HSDL1: variants seen among roughly 807,000 people sequenced by gnomAD.
The protein encoded by HSDL1 is hydroxysteroid dehydrogenase like 1, also known as inactive hydroxysteroid dehydrogenase-like protein 1.
HSDL1 carries 29 observed loss-of-function variants against 31.5 expected under a neutral mutation model. That is an observed-to-expected ratio of 0.92 (90% CI 0.69 to 1.26). HSDL1 has a LOEUF of 1.26. HSDL1 is among the 50% of genes most tolerant of loss of function. The pLI is 0.00. For synonymous variants in HSDL1, 222 were observed against 155.2 expected, an observed-to-expected ratio of 1.43 and a Z score of -3.20; for missense variants, 503 against 416.6, an observed-to-expected ratio of 1.21 and a Z score of -1.81.
intron 2 of HSDL1, among the ~76,000 whole-genome samples, chr16:84,135,059 C>T (rs188407846): frequency 6.6e-6 from 1 of 152,184 alleles, no homozygotes; most frequent in Non-Finnish European, 1.5e-5. Flanking sequence ...GGGTGAAACC[C>T]TGTCTCTACT....
At chr16:84,126,100 C>T (rs1469775419) in intron 5 of HSDL1, among the ~76,000 whole-genome samples, 4 of 119,232 alleles carry the variant, frequency 3.4e-5, no homozygotes, top group Non-Finnish European at 7.1e-5. Flanking sequence ...AAAACTCTGT[C>T]TCAAAAAAAA....
At chr16:84,126,021 T>C (rs1357502084) in intron 5 of HSDL1, among the ~76,000 whole-genome samples, 2 of 148,532 alleles carry the variant, frequency 1.3e-5, no homozygotes, top group Admixed American at 1.4e-4. Flanking sequence ...GAAAATGGTG[T>C]GAACCGGGGA....
chr16:84,130,494 C>G, intron 3 of HSDL1, 63 bp from the exon 4 acceptor site: 4 of 1,349,152 alleles, frequency 3.0e-6, no homozygotes, highest in Non-Finnish European at 4.1e-6. Flanking sequence ...AAAATGGACC[C>G]AAAGTACCCC....
intron 1 of HSDL1, among the ~76,000 whole-genome samples, chr16:84,143,768 G>A (rs1030860951): frequency 6.6e-6 from 1 of 151,664 alleles, no homozygotes; most frequent in East Asian, 1.9e-4. Flanking sequence ...AGGCCAAGGC[G>A]GGCAGATCAC....
chr16:84,141,216 T>C (rs2086766384), intron 1 of HSDL1, among the ~76,000 whole-genome samples: 1 of 115,558 alleles, frequency 8.7e-6, no homozygotes, highest in East Asian at 2.6e-4. Context: ...GACTCATCCA[T>C]GCCCCTGCAG....
intron 3 of HSDL1, chr16:84,130,893 C>T: frequency 1.8e-6 from 1 of 556,568 alleles, no homozygotes; most frequent in Non-Finnish European, 3.2e-6. Context: ...CAGGAGAGAG[C>T]AGAATAGGAA....
Position 84,124,406 on chromosome 16 carries a change from T to C in HSDL1, c.*224A>G, listed in dbSNP as rs570101595. The C allele has an allele frequency of 2.4e-6, 1 of 408,712 alleles. No individual in the cohort carries two copies. The highest frequency in any genetic ancestry group is 2.0e-5 in the African/African-American group (1 of 49,868). The allele number at this position is 408,712 out of a possible 1,614,324, so 25.3% of individuals were successfully genotyped here. On this transcript the variant is annotated 3_prime_UTR_variant, in exon 6 of 6. Transcript: ENST00000219439. Reference sequence around the variant, plus strand: ...TAGGGAAAAAGCACTGAAATGTAGATGTCGTCAATCAGCCTCAGGCATTAT... The same window carrying C: ...TAGGGAAAAAGCACTGAAATGTAGACGTCGTCAATCAGCCTCAGGCATTAT...
intron 2 of HSDL1, among the ~76,000 whole-genome samples, chr16:84,131,606 C>T (rs1475861802): frequency 6.6e-6 from 1 of 152,084 alleles, no homozygotes; most frequent in Non-Finnish European, 1.5e-5. Context: ...CCTCCACCTC[C>T]CGGGTTCAAG....
chr16:84,136,398 G>A (rs2086712605), intron 1 of HSDL1, among the ~76,000 whole-genome samples: 1 of 152,252 alleles, frequency 6.6e-6, no homozygotes, highest in Non-Finnish European at 1.5e-5. Flanking sequence ...GCAGAGGCCA[G>A]ATTCTACTCC....
intron 5 of HSDL1, 143 bp downstream of exon 5, chr16:84,129,405 T>G (rs780987738): frequency 1.8e-4 from 121 of 658,840 alleles, no homozygotes; most frequent in Non-Finnish European, 2.9e-4. Flanking sequence ...GAAAATTTAG[T>G]GTCTTAACCA....
chr16:84,127,114 T>C (rs970066611), intron 5 of HSDL1, among the ~76,000 whole-genome samples: 1 of 152,148 alleles, frequency 6.6e-6, no homozygotes, highest in Non-Finnish European at 1.5e-5. Flanking sequence ...AAAAATTTTA[T>C]GGTCAGTGAC....
intron 5 of HSDL1, among the ~76,000 whole-genome samples, chr16:84,127,921 G>C (rs2086625250): frequency 6.6e-6 from 1 of 150,636 alleles, no homozygotes; most frequent in Non-Finnish European, 1.5e-5. Flanking sequence ...GGGTTTCACG[G>C]TGTTAGCCAG....
intron 1 of HSDL1, among the ~76,000 whole-genome samples, chr16:84,139,043 T>A (rs534413318): frequency 6.6e-6 from 1 of 152,250 alleles, no homozygotes; most frequent in South Asian, 2.1e-4. Flanking sequence ...TCCAAATGCG[T>A]GTGACGTGGG....
At position 84,123,197 on chromosome 16, in the gene HSDL1, A is replaced by T. The variant is rs941911364; in HGVS notation, c.*1433T>A. 1.3e-5 allele frequency: 2 copies of T among 152,196 alleles called. No homozygotes were observed. The highest frequency in any genetic ancestry group is 2.9e-5 in the Non-Finnish European group (2 of 68,042). The allele number at this position is 152,196 out of a possible 1,614,324, so 9.4% of individuals were successfully genotyped here. A position where few individuals can be genotyped will look rare whatever the true frequency, so the allele number is the denominator to read the frequency against. Reference sequence around the variant, plus strand: ...CTTCTGAGTGCAAGTCACATCTGGAAATCCTGTAGGCAATGTCATGGGCAA... The same window carrying T: ...CTTCTGAGTGCAAGTCACATCTGGATATCCTGTAGGCAATGTCATGGGCAA... On this transcript the variant is annotated 3_prime_UTR_variant, in exon 6 of 6. Transcript: ENST00000219439.
intron 1 of HSDL1, among the ~76,000 whole-genome samples, chr16:84,143,046 T>C (rs956371117): frequency 6.6e-6 from 1 of 152,224 alleles, no homozygotes; most frequent in Non-Finnish European, 1.5e-5. Context: ...TTCACCATCA[T>C]GTCTGTATTT....
rs1030030838 is a variant in HSDL1 at position 84,124,522 on chromosome 16, T to C, written c.*108A>G. The C allele has an allele frequency of 2.7e-6, 2 of 736,564 alleles. No individual in the cohort carries two copies. The highest frequency in any genetic ancestry group is 2.1e-5 in the Admixed American group (1 of 48,200). The allele number at this position is 736,564 out of a possible 1,614,324, so 45.6% of individuals were successfully genotyped here. A position where few individuals can be genotyped will look rare whatever the true frequency, so the allele number is the denominator to read the frequency against. ...TGCAAATGACGAATCAACAGTATGC[T>C]GAATAATCAGCAATGAAACACAGGA... On this transcript the variant is annotated 3_prime_UTR_variant, in exon 6 of 6. Transcript: ENST00000219439.
intron 1 of HSDL1, among the ~76,000 whole-genome samples, chr16:84,141,975 T>C (rs1336235264): frequency 6.6e-6 from 1 of 152,246 alleles, no homozygotes; most frequent in African/African-American, 2.4e-5. Flanking sequence ...TTGCCCAGCC[T>C]GATGTGCAGT....
intron 3 of HSDL1, 24 bp from the exon 4 acceptor site, chr16:84,130,455 G>A (rs1325315556): frequency 1.3e-6 from 2 of 1,579,624 alleles, no homozygotes; most frequent in South Asian, 2.3e-5. Flanking sequence ...CAGGAAAAGT[G>A]AGCATGTGTA....
At chr16:84,124,798 A>G (rs2086586758) in intron 5 of HSDL1, 70 bp from the exon 6 acceptor site, 1 of 1,012,434 alleles carries the variant, frequency 9.9e-7, no homozygotes, top group Admixed American at 1.9e-5. Flanking sequence ...AAGTACACAG[A>G]CCAGCACATG....
Sources: allele counts gnomAD v4.1 joint callset (sites outside exome capture counted in the v4.1 genomes callset), GRCh38; gene constraint gnomAD v4.1.1; transcripts MANE v1.5; gene names NCBI Gene and HGNC (gene_info 2026-07-23, HGNC 2026-07-21).